The following RIMBP2 variants were observed in gnomAD, a reference collection of about 807,000 sequenced individuals.
RIMBP2 encodes RIMS binding protein 2.
A neutral mutation model predicts 118.6 loss-of-function variants in RIMBP2; 48 were observed. The observed-to-expected ratio is 0.40, with a 90% CI of 0.32 to 0.51. The LOEUF (loss-of-function observed/expected upper bound fraction) is 0.51, where lower values mean the gene tolerates loss of function less well. RIMBP2 is among the 20% of genes least tolerant of loss of function. The probability of loss-of-function intolerance (pLI) is 0.41; values close to 1 mark genes in which losing one functional copy is unlikely to be tolerated. For synonymous variants in RIMBP2, 762 were observed against 742.9 expected (o/e 1.03, Z -0.42); for missense variants, 1,551 against 1,768.3 (o/e 0.88, Z 2.20).
At chr12:130,653,488 C>T (rs1388626056) in intron 1 of RIMBP2, among the ~76,000 whole-genome samples, 2 of 152,226 alleles carry the variant, frequency 1.3e-5, no homozygotes, top group African/African-American at 4.8e-5. Context: ...AGTTAAGTGC[C>T]TGTGGCTTTT....
chr12:130,485,063 C>A (rs1317218679), intron 4 of RIMBP2, among the ~76,000 whole-genome samples: 1 of 152,082 alleles, frequency 6.6e-6, no homozygotes, highest in Non-Finnish European at 1.5e-5. Context: ...AAACCCTTTC[C>A]CACTGGACGT....
At chr12:130,474,555 A>G (rs1405778260) in intron 5 of RIMBP2, among the ~76,000 whole-genome samples, 2 of 152,210 alleles carry the variant, frequency 1.3e-5, no homozygotes, top group African/African-American at 4.8e-5. Flanking sequence ...ATGTTTTGGC[A>G]TCAGTAAATG....
chr12:130,424,611 T>C lies in RIMBP2; in HGVS notation c.2660A>G (p.Lys887Arg). 8.1e-7 allele frequency: 1 copy of C among 1,231,742 alleles called. No individual in the cohort carries two copies. The highest frequency in any genetic ancestry group is 1.0e-6 in the Non-Finnish European group (1 of 987,742). The allele number at this position is 1,231,742 out of a possible 1,614,324, so 76.3% of individuals were successfully genotyped here. A position where few individuals can be genotyped will look rare whatever the true frequency, so the allele number is the denominator to read the frequency against. Residue 887 changes from lysine to arginine, a missense_variant, in exon 16 of 23, where the codon AAG becomes AGG. Around this residue, in one of 5 missense-constraint regions of RIMBP2, gnomAD observed 1,038 missense variants for 1,125.1 expected, o/e 0.92. Coordinates refer to ENST00000690449, the MANE Select transcript of RIMBP2 (RefSeq NM_001393629.1). The surrounding 1 kb of genome is among the most constrained non-coding windows in gnomAD (Gnocchi z 9.8). ...GGGGACGGCCCCCGAGCCCCTGTGCTTCACCGGGAACCAGGAGCCCCGAGG... is the reference window on the plus strand; with the variant it reads ...GGGGACGGCCCCCGAGCCCCTGTGCCTCACCGGGAACCAGGAGCCCCGAGG... ...EAPRGSWFPV[K>R]HRGSGAVPHV... is the part of the protein sequence containing the mutation.
intron 2 of RIMBP2, among the ~76,000 whole-genome samples, chr12:130,589,352 C>A (rs1296542382): frequency 7.3e-6 from 1 of 137,710 alleles, no homozygotes; most frequent in Non-Finnish European, 1.6e-5. Context: ...TAGAAAGACT[C>A]TTTAAAAAAG....
intron 1 of RIMBP2, among the ~76,000 whole-genome samples, chr12:130,664,980 A>G (rs904693688): frequency 6.6e-6 from 1 of 151,602 alleles, no homozygotes; most frequent in Non-Finnish European, 1.5e-5. Context: ...AGCTGTCTGG[A>G]CCAGAGCCGC....
Position 130,406,248 on chromosome 12 carries a change from G to A in RIMBP2, c.3694-5C>T. On this transcript the variant is annotated splice_region_variant and splice_polypyrimidine_tract_variant and intron_variant, in intron 20 of 22. Coordinates refer to ENST00000690449, the MANE Select transcript of RIMBP2 (RefSeq NM_001393629.1). ...TGTGCAAAATGTAAGTTCGGCCTGT[G>A]GAGATGAAACATAAAATTAATCGTA... 6.3e-7 allele frequency: 1 copy of A among 1,588,772 alleles called. No homozygotes were observed. The highest frequency in any genetic ancestry group is 8.6e-7 in the Non-Finnish European group (1 of 1,162,598).
In RIMBP2 at chr12:130,658,108, G is replaced by C. The variant is rs1259403012; in HGVS notation, c.-351-29652C>G. Reference sequence around the variant, plus strand: ...TCCCAGTACTTAAAAGACGACGGCAGTAACCAACAATGAATGCCCCAGCTC... The same window carrying C: ...TCCCAGTACTTAAAAGACGACGGCACTAACCAACAATGAATGCCCCAGCTC... On this transcript the variant is annotated intron_variant, in intron 1 of 22. Transcript: ENST00000690449. 3.3e-5 allele frequency: 5 copies of C among 152,276 alleles called. No individual in the cohort carries two copies. In the East Asian group the frequency reaches 9.6e-4, roughly 29 times the overall value. The allele number at this position is 152,276 out of a possible 1,614,324, so 9.4% of individuals were successfully genotyped here.
chr12:130,520,223 C>T (rs1302621620), intron 2 of RIMBP2, among the ~76,000 whole-genome samples: 2 of 152,146 alleles, frequency 1.3e-5, no homozygotes, highest in Non-Finnish European at 2.9e-5. Flanking sequence ...GAAATGAAAT[C>T]AGTCTTTTCA....
intron 11 of RIMBP2, among the ~76,000 whole-genome samples, chr12:130,441,126 T>C (rs2078085888): frequency 6.6e-6 from 1 of 152,130 alleles, no homozygotes; most frequent in African/African-American, 2.4e-5. Context: ...CACGTATGCA[T>C]GCTTAGAGGC....
chr12:130,568,264 G>A (rs184836761), intron 2 of RIMBP2, among the ~76,000 whole-genome samples: 19 of 152,318 alleles, frequency 1.2e-4, no homozygotes, highest in South Asian at 8.3e-4. Context: ...GACTCAGCAC[G>A]GGGGTGTGGG....
At chr12:130,530,227 A>G (rs546113754) in intron 2 of RIMBP2, among the ~76,000 whole-genome samples, 1 of 152,214 alleles carries the variant, frequency 6.6e-6, no homozygotes, top group South Asian at 2.1e-4. Flanking sequence ...CGCCAGGGGA[A>G]CTTACCGAGA....
At chr12:130,439,404 T>C (rs1249612232) in intron 11 of RIMBP2, among the ~76,000 whole-genome samples, 2 of 150,462 alleles carry the variant, frequency 1.3e-5, no homozygotes, top group African/African-American at 2.4e-5. Flanking sequence ...CATGTGTATG[T>C]ATATATGTGT....
In RIMBP2 at chr12:130,523,506, G is replaced by T. The variant is rs981767059; in HGVS notation, c.-216-5589C>A. On this transcript the variant is annotated intron_variant, in intron 2 of 22. Coordinates refer to ENST00000690449, the MANE Select transcript of RIMBP2 (RefSeq NM_001393629.1). The surrounding 1 kb of genome is among the most constrained non-coding windows in gnomAD (Gnocchi z 4.4). Reference sequence around the variant, plus strand: ...GTCTCCCGAGGCAGCTCAAGGGCTCGTCAAGGAAGAAACTGGGTCTTCTGA... The same window carrying T: ...GTCTCCCGAGGCAGCTCAAGGGCTCTTCAAGGAAGAAACTGGGTCTTCTGA... Among the ~76,000 whole-genome samples the T allele has an allele frequency of 6.6e-6, 1 of 152,188 alleles. No homozygotes were observed. The highest frequency in any genetic ancestry group is 1.5e-5 in the Non-Finnish European group (1 of 68,036).
chr12:130,462,855 C>T (rs2080128051), intron 6 of RIMBP2, among the ~76,000 whole-genome samples: 1 of 152,256 alleles, frequency 6.6e-6, no homozygotes, highest in Admixed American at 6.5e-5. Flanking sequence ...ATGGGAGAAT[C>T]TGCTGTGAGA....
intron 6 of RIMBP2, 57 bp from the exon 7 acceptor site, chr12:130,456,757 T>C: frequency 7.5e-7 from 1 of 1,336,714 alleles, no homozygotes; most frequent in Admixed American, 1.9e-5. Flanking sequence ...TGGAAATGTG[T>C]GTGCGCCTGT....
At chr12:130,501,509 C>A (rs73152995) in intron 4 of RIMBP2, among the ~76,000 whole-genome samples, 2 of 152,148 alleles carry the variant, frequency 1.3e-5, no homozygotes, top group Non-Finnish European at 2.9e-5. Context: ...TGAGACGCAC[C>A]GCAGTGCCAT....
chr12:130,410,216 A>G (rs1469015072), intron 19 of RIMBP2, among the ~76,000 whole-genome samples: 2 of 152,166 alleles, frequency 1.3e-5, no homozygotes, highest in African/African-American at 2.4e-5. Context: ...TATTTTGTAC[A>G]TATTTTTATT....
At chr12:130,598,719 C>T (rs142753866) in intron 2 of RIMBP2, among the ~76,000 whole-genome samples, 10,785 of 148,594 alleles carry the variant, frequency 0.073, 400 homozygotes, top group Non-Finnish European at 0.079. Flanking sequence ...CTGAGCAAGA[C>T]TCCATTTAAA....
chr12:130,467,445 C>T (rs563193981), intron 6 of RIMBP2, among the ~76,000 whole-genome samples: 24 of 152,350 alleles, frequency 1.6e-4, no homozygotes, highest in Non-Finnish European at 2.9e-4. Context: ...AGGACAGCTT[C>T]GACCCCCTAT....
Sources: allele counts gnomAD v4.1 joint callset (sites outside exome capture counted in the v4.1 genomes callset), GRCh38; gene constraint gnomAD v4.1.1; regional missense constraint gnomAD v4.1.1; non-coding constraint Gnocchi (gnomAD v3.1); transcripts MANE v1.5; gene names NCBI Gene and HGNC (gene_info 2026-07-23, HGNC 2026-07-21).